CMC1: variants seen among roughly 807,000 people sequenced by gnomAD.
CMC1 encodes the protein C-X9-C motif containing 1.
A neutral mutation model predicts 14.1 loss-of-function variants in CMC1; 14 were observed. The observed-to-expected ratio is 0.99, with a 90% confidence interval of 0.66 to 1.55. The LOEUF is 1.55. Ranked by LOEUF, CMC1 falls within the 40% of genes most tolerant of loss-of-function variation. CMC1 has a pLI of 0.00. For missense variants in CMC1, 127 were observed against 123.8 expected, an observed-to-expected ratio of 1.03 and a Z score of -0.12; for synonymous variants, 50 against 38.4, an observed-to-expected ratio of 1.30 and a Z score of -1.12.
rs952829122 is a variant in CMC1, at chr3:28,279,935, C to T, written c.109+16555C>T. 1.5e-4 allele frequency among the ~76,000 whole-genome samples: 23 copies of T among 152,120 alleles called. 1 individual carries two copies. The highest frequency in any genetic ancestry group is 1.5e-3 in the South Asian group (7 of 4,820). ...ACTCTTTCCAGGAGAAATGAAACTA[C>T]GTAAACAAAAAAGGCCTGTATGCTA... On this transcript the variant is annotated intron_variant, in intron 2 of 3. Transcript: ENST00000466830.
intron 1 of CMC1, among the ~76,000 whole-genome samples, chr3:28,253,197 T>C (rs1312165209): frequency 6.6e-6 from 1 of 152,174 alleles, no homozygotes; most frequent in East Asian, 1.9e-4. Context: ...TAGTGAGAAC[T>C]AACAATTGAG....
At chr3:28,250,725 T>C (rs1699088759) in intron 1 of CMC1, among the ~76,000 whole-genome samples, 1 of 152,196 alleles carries the variant, frequency 6.6e-6, no homozygotes, top group South Asian at 2.1e-4. Context: ...CAGTAGATAG[T>C]TGAAAATGTG....
intron 2 of CMC1, chr3:28,298,107 C>T (rs934408007): frequency 9.9e-5 from 15 of 151,446 alleles, no homozygotes; most frequent in African/African-American, 3.6e-4. Flanking sequence ...CATAGGTAGC[C>T]CAGCCTGAGT....
At chr3:28,249,741 A>T (rs1265316585) in intron 1 of CMC1, among the ~76,000 whole-genome samples, 1 of 152,192 alleles carries the variant, frequency 6.6e-6, no homozygotes. Flanking sequence ...AGGCTGCCAT[A>T]ACAAAATCCC....
intron 2 of CMC1, among the ~76,000 whole-genome samples, chr3:28,278,522 G>A (rs944453691): frequency 2.0e-5 from 3 of 152,144 alleles, no homozygotes; most frequent in African/African-American, 7.2e-5. Flanking sequence ...GTTCAACTTG[G>A]ATAGTGATAG....
In CMC1 at chr3:28,324,016, T is replaced by A; in HGVS notation, c.*4387T>A. 1.3e-6 allele frequency: 2 copies of A among 1,572,718 alleles called. No individual in the cohort carries two copies. Among genetic ancestry groups the A allele is most frequent in the Non-Finnish European group, 1.7e-6 (2 of 1,152,306 alleles). ...CCACTGAAAGAGATAAGTGTCCTCA[T>A]GGTGAAATCGTGAATCTCTTCCAAA... On this transcript the variant is annotated 3_prime_UTR_variant, in exon 4 of 4. Coordinates refer to ENST00000466830, the MANE Select transcript of CMC1 (RefSeq NM_182523.2).
chr3:28,279,936 G>A (rs538611620), intron 2 of CMC1, among the ~76,000 whole-genome samples: 4 of 152,124 alleles, frequency 2.6e-5, no homozygotes, highest in South Asian at 2.1e-4. Flanking sequence ...ATGAAACTAC[G>A]TAAACAAAAA....
chr3:28,246,796 TGA>T (rs1416852783), intron 1 of CMC1, among the ~76,000 whole-genome samples: 1 of 150,022 alleles, frequency 6.7e-6, no homozygotes, highest in African/African-American at 2.5e-5. Context: ...TGGGGTCCAT[TGA>T]TTTTTTTTTT....
intron 1 of CMC1, among the ~76,000 whole-genome samples, chr3:28,257,643 C>A (rs112231199): frequency 0.019 from 2,829 of 152,110 alleles, 90 homozygotes; most frequent in African/African-American, 0.063. Context: ...CTCAGCCTCC[C>A]GAATGGCTGG....
intron 2 of CMC1, among the ~76,000 whole-genome samples, chr3:28,292,262 ACT>A (rs1235085004): frequency 6.6e-6 from 1 of 151,462 alleles, no homozygotes; most frequent in East Asian, 1.9e-4. Context: ...TCTTTTTAAA[ACT>A]CTGTTTATCT....
At position 28,294,990 on chromosome 3, in the gene CMC1, T is replaced by TAAAAC. The variant is rs1553619235; in HGVS notation, c.110-21330_110-21326dup. Among the ~76,000 whole-genome samples the TAAAAC allele has an allele frequency of 5.5e-4, 83 of 151,912 alleles. 1 individual carries two copies. The highest frequency in any genetic ancestry group is 1.9e-3 in the African/African-American group (77 of 41,458). On this transcript the variant is annotated intron_variant, in intron 2 of 3. Transcript: ENST00000466830. ...TGCTGATCATTATTGTTATTTTTTTTAAAACAAAACAAAACAATCTGTAGA... is the reference window on the plus strand; with the variant it reads ...TGCTGATCATTATTGTTATTTTTTTTAAAACAAAACAAAACAAAACAATCTGTAGA...
intron 2 of CMC1, among the ~76,000 whole-genome samples, chr3:28,312,972 T>G (rs1447091844): frequency 1.3e-5 from 2 of 152,142 alleles, no homozygotes; most frequent in African/African-American, 4.8e-5. Context: ...TTCTCCTGCC[T>G]TGGCTTCTCA....
chr3:28,270,040 T>TG (rs1700205303), intron 2 of CMC1, among the ~76,000 whole-genome samples: 1 of 152,224 alleles, frequency 6.6e-6, no homozygotes, highest in East Asian at 1.9e-4. Context: ...TTTCTGTTCC[T>TG]GCGTTAGTTC....
chr3:28,281,257 A>C (rs1700880727), intron 2 of CMC1, among the ~76,000 whole-genome samples: 1 of 152,242 alleles, frequency 6.6e-6, no homozygotes, highest in Non-Finnish European at 1.5e-5. Flanking sequence ...GATAGTTATC[A>C]AATAAATATT....
chr3:28,254,339 CAT>C (rs1306495985), intron 1 of CMC1, among the ~76,000 whole-genome samples: 2 of 152,012 alleles, frequency 1.3e-5, no homozygotes, highest in African/African-American at 4.8e-5. Flanking sequence ...ATTAATAAAT[CAT>C]TGATATTTAG....
rs1559402311 is a variant in CMC1 at position 28,255,738 on chromosome 3, C to CACACACACACACACAT, written c.20-7538_20-7537insTACACACACACACACA. On this transcript the variant is annotated intron_variant, in intron 1 of 3. Coordinates refer to ENST00000466830, the MANE Select transcript of CMC1 (RefSeq NM_182523.2). ...ACATGTACATACACACACACACACA[C>CACACACACACACACAT]ACACACACACACACACGCGACAGAG... is the stretch of plus-strand genomic sequence containing the variant. 1.7e-3 allele frequency among the ~76,000 whole-genome samples: 255 copies of CACACACACACACACAT among 151,556 alleles called. 1 individual carries two copies. Among genetic ancestry groups the CACACACACACACACAT allele is most frequent in the African/African-American group, 4.6e-3 (191 of 41,230 alleles).
chr3:28,272,231 C>T (rs1397096626), intron 2 of CMC1, among the ~76,000 whole-genome samples: 1 of 152,060 alleles, frequency 6.6e-6, no homozygotes, highest in Non-Finnish European at 1.5e-5. Context: ...TGCCTGATTG[C>T]CCTGGCCACA....
intron 1 of CMC1, among the ~76,000 whole-genome samples, chr3:28,262,595 G>A (rs1023897585): frequency 3.9e-5 from 6 of 152,060 alleles, no homozygotes; most frequent in African/African-American, 1.4e-4. Flanking sequence ...ATACTCTATA[G>A]TAATATGATT....
At chr3:28,259,633 G>A (rs566181645) in intron 1 of CMC1, among the ~76,000 whole-genome samples, 1 of 152,110 alleles carries the variant, frequency 6.6e-6, no homozygotes, top group East Asian at 1.9e-4. Flanking sequence ...TCCTGTGATT[G>A]TTTCTAGAAG....
Sources: gnomAD v4.1 joint callset for allele counts (sites outside exome capture counted in the v4.1 genomes callset) on GRCh38, gnomAD v4.1.1 for gene constraint, MANE v1.5 for transcripts, NCBI Gene and HGNC (gene_info 2026-07-23, HGNC 2026-07-21) for gene names.